The following BRINP3 variants were observed in gnomAD, a reference collection of about 807,000 sequenced individuals.
BRINP3 encodes BMP/retinoic acid inducible neural specific 3.
BRINP3 carries 19 observed loss-of-function variants against 71.0 expected under a neutral mutation model. The observed-to-expected ratio is 0.27, with a 90% confidence interval of 0.19 to 0.39. BRINP3 has a LOEUF of 0.39. BRINP3 is among the 10% of genes least tolerant of loss of function. The pLI, the probability that BRINP3 is intolerant of heterozygous loss-of-function variation, is 1.00. For missense variants in BRINP3, 959 were observed against 940.8 expected (o/e 1.02, Z -0.25); for synonymous variants, 380 against 337.7 (o/e 1.13, Z -1.37).
intron 1 of BRINP3, among the ~76,000 whole-genome samples, chr1:190,466,875 G>T (rs1676790645): frequency 1.3e-5 from 2 of 151,274 alleles, no homozygotes; most frequent in East Asian, 1.9e-4. Flanking sequence ...ATGTTAATCT[G>T]ATTTTTCATT....
intron 2 of BRINP3, among the ~76,000 whole-genome samples, chr1:190,436,344 T>A (rs763797948): frequency 6.6e-6 from 1 of 151,868 alleles, no homozygotes; most frequent in Non-Finnish European, 1.5e-5. Context: ...GAGCAATTAG[T>A]GTAATGAACC....
intron 2 of BRINP3, among the ~76,000 whole-genome samples, chr1:190,441,006 G>A (rs1260514958): frequency 6.6e-6 from 1 of 151,814 alleles, no homozygotes; most frequent in African/African-American, 2.4e-5. Flanking sequence ...AAAACAAATA[G>A]TGAAATTCAC....
At chr1:190,382,325 C>T (rs1226473051) in intron 2 of BRINP3, among the ~76,000 whole-genome samples, 1 of 152,134 alleles carries the variant, frequency 6.6e-6, no homozygotes, top group East Asian at 1.9e-4. Context: ...TTACATTCCT[C>T]TCCTAATACA....
intron 6 of BRINP3, among the ~76,000 whole-genome samples, chr1:190,205,444 C>T (rs1655413333): frequency 6.6e-6 from 1 of 152,030 alleles, no homozygotes; most frequent in Admixed American, 6.6e-5. Flanking sequence ...ATAAGCTTTC[C>T]ATGTTTTAAA....
At chr1:190,209,204 T>G (rs1655776342) in intron 6 of BRINP3, among the ~76,000 whole-genome samples, 1 of 152,146 alleles carries the variant, frequency 6.6e-6, no homozygotes, top group African/African-American at 2.4e-5. Context: ...CAGTATAGAC[T>G]AGTTTTGCCA....
intron 2 of BRINP3, among the ~76,000 whole-genome samples, chr1:190,332,169 T>A (rs1267840603): frequency 1.1e-4 from 17 of 152,044 alleles, no homozygotes; most frequent in Admixed American, 1.1e-3. Flanking sequence ...CAAGAAGAAG[T>A]ATATGAACAC....
intron 2 of BRINP3, among the ~76,000 whole-genome samples, chr1:190,365,566 T>C (rs756937004): frequency 6.8e-6 from 1 of 147,304 alleles, no homozygotes; most frequent in African/African-American, 2.5e-5. Flanking sequence ...AATTATATTT[T>C]AGTTTTGTTA....
chr1:190,251,802 A>C (rs909639980), intron 4 of BRINP3, among the ~76,000 whole-genome samples: 5 of 122,724 alleles, frequency 4.1e-5, no homozygotes, highest in Admixed American at 8.8e-5. Context: ...TAACAACAAC[A>C]ACCAAAAAAA....
At chr1:190,315,073 G>A (rs1448998727) in intron 2 of BRINP3, among the ~76,000 whole-genome samples, 3 of 151,788 alleles carry the variant, frequency 2.0e-5, no homozygotes, top group African/African-American at 7.3e-5. Context: ...GAAGGGAGAG[G>A]GTAAACAAGA....
chr1:190,207,547 ACT>A (rs1655617322), intron 6 of BRINP3, among the ~76,000 whole-genome samples: 1 of 151,966 alleles, frequency 6.6e-6, no homozygotes, highest in Non-Finnish European at 1.5e-5. Flanking sequence ...ATTAAATGAG[ACT>A]CTCAGTGACA....
intron 5 of BRINP3, among the ~76,000 whole-genome samples, chr1:190,230,423 C>T (rs1429160488): frequency 6.6e-6 from 1 of 151,832 alleles, no homozygotes; most frequent in Non-Finnish European, 1.5e-5. Context: ...GTTTTGAAAA[C>T]ATAAGCACTA....
chr1:190,260,227 T>A (rs921786716), intron 4 of BRINP3, among the ~76,000 whole-genome samples: 1 of 151,972 alleles, frequency 6.6e-6, no homozygotes, highest in Non-Finnish European at 1.5e-5. Flanking sequence ...ATCCAATGTA[T>A]GACATGAAGA....
intron 7 of BRINP3, among the ~76,000 whole-genome samples, chr1:190,157,159 A>T (rs1047612443): frequency 2.0e-5 from 3 of 151,818 alleles, no homozygotes; most frequent in African/African-American, 7.3e-5. Flanking sequence ...CATACTCAAG[A>T]CCCACAGTAA....
chr1:190,363,835 T>C (rs952606128), intron 2 of BRINP3, among the ~76,000 whole-genome samples: 5 of 152,148 alleles, frequency 3.3e-5, no homozygotes, highest in African/African-American at 4.8e-5. Flanking sequence ...AAAATAAACG[T>C]CTGAATGACT....
rs2102701922 is a variant in BRINP3, at chr1:190,226,114, C to A, written c.929G>T (p.Trp310Leu). The stretch of plus-strand genomic sequence containing the variant: ...CTCAAAGTCACTGTTGTAAGCTTTC[C>A]AGGTTTCAGTTATTCGAAGAAGATT... ...EENLLRITETWKAYNSDFEES... is the reference protein window; with the variant it reads ...EENLLRITETLKAYNSDFEES... Residue 310 changes from tryptophan to leucine, a missense_variant, in exon 6 of 8, where the codon TGG (tryptophan) becomes TTG (leucine). Physicochemically the swap from Trp to Leu is moderately conservative, Grantham distance 61 (BLOSUM62 -2). Transcript: ENST00000367462. The A allele has an allele frequency of 6.2e-7, 1 of 1,606,008 alleles. No homozygotes were observed.
At chr1:190,408,132 C>T (rs950583035) in intron 2 of BRINP3, among the ~76,000 whole-genome samples, 1 of 148,406 alleles carries the variant, frequency 6.7e-6, no homozygotes, top group Non-Finnish European at 1.5e-5. Context: ...CGCCATTCTC[C>T]TGCCTCAACC....
chr1:190,321,770 T>G (rs983884961), intron 2 of BRINP3, among the ~76,000 whole-genome samples: 36 of 152,078 alleles, frequency 2.4e-4, no homozygotes, highest in Non-Finnish European at 1.5e-5. Context: ...TATTTTCATC[T>G]GAAGTTGATA....
chr1:190,327,367 A>C (rs1393733704), intron 2 of BRINP3, among the ~76,000 whole-genome samples: 3 of 143,856 alleles, frequency 2.1e-5, no homozygotes, highest in Non-Finnish European at 4.6e-5. Context: ...AAAAAAAAGA[A>C]AGAAAGAAAA....
chr1:190,168,638 T>G lies in BRINP3; in HGVS notation c.962-7748A>C, dbSNP rs540955185. Among the ~76,000 whole-genome samples the G allele has an allele frequency of 4.7e-4, 72 of 152,268 alleles. 1 individual carries two copies. The highest frequency in any genetic ancestry group is 1.6e-3 in the African/African-American group (67 of 41,580). On this transcript the variant is annotated intron_variant, in intron 6 of 7. Transcript: ENST00000367462. ...AAAAATACAAAGTGAAGCTTCCTGT[T>G]TCTGCTTAAAGTATAAATCTAGAGT...
Sources: gnomAD v4.1 joint callset for allele counts (sites outside exome capture counted in the v4.1 genomes callset) on GRCh38, gnomAD v4.1.1 for gene constraint, MANE v1.5 for transcripts, NCBI Gene and HGNC (gene_info 2026-07-23, HGNC 2026-07-21) for gene names.